The following CACNA1B variants were observed in gnomAD, a reference collection of about 807,000 sequenced individuals.
CACNA1B encodes the protein calcium voltage-gated channel subunit alpha1 B.
Under a neutral mutation model 247.2 loss-of-function variants are expected in CACNA1B, and 70 were observed. The observed-to-expected ratio is 0.28, with a 90% CI of 0.23 to 0.35. The LOEUF is 0.35. CACNA1B is among the 10% of genes least tolerant of loss of function. CACNA1B has a pLI of 1.00. For synonymous variants in CACNA1B, 1,231 were observed against 1,294.4 expected (o/e 0.95, Z 1.05); for missense variants, 2,367 against 3,197.4 (o/e 0.74, Z 6.26).
intron 20 of CACNA1B, among the ~76,000 whole-genome samples, chr9:138,029,893 G>A (rs912444560): frequency 6.6e-6 from 1 of 152,168 alleles, no homozygotes; most frequent in Non-Finnish European, 1.5e-5. Flanking sequence ...GGGATTGCAG[G>A]TGTGAGCCAC....
chr9:138,066,255 G>A (rs1474690616), intron 31 of CACNA1B, among the ~76,000 whole-genome samples: 1 of 152,234 alleles, frequency 6.6e-6, no homozygotes, highest in Non-Finnish European at 1.5e-5. Context: ...CTGCAAAGCA[G>A]GTTCTGGCAG....
rs141006183 is a variant in CACNA1B at position 137,953,991 on chromosome 9, A to G, written c.1070+1614A>G. 1.2e-3 allele frequency among the ~76,000 whole-genome samples: 190 copies of G among 152,266 alleles called. No homozygotes were observed. The Middle Eastern group carries it at 0.014, about 11-fold the overall frequency. ...CAGCCTGCTCAGGGCTTCCTTCTGCATCCCTCTAGGGAATGTGCAGAATAG... is the reference window on the plus strand; with the variant it reads ...CAGCCTGCTCAGGGCTTCCTTCTGCGTCCCTCTAGGGAATGTGCAGAATAG... On this transcript the variant is annotated intron_variant, in intron 7 of 46. Transcript: ENST00000371372.
chr9:138,051,512 A>G lies in CACNA1B; in HGVS notation c.3711-580A>G, dbSNP rs182822440. On this transcript the variant is annotated intron_variant, in intron 24 of 46. Transcript: ENST00000371372. The surrounding 1 kb of genome is among the most constrained non-coding windows in gnomAD (Gnocchi z 4.3). Reference sequence around the variant, plus strand: ...CTCCCCTTGTTTGTCTTAGTCCACCATGCCTCTTGCATTGCCTCTGTATTC... The same window carrying G: ...CTCCCCTTGTTTGTCTTAGTCCACCGTGCCTCTTGCATTGCCTCTGTATTC... Among the ~76,000 whole-genome samples, 2 of 108,678 alleles carry G rather than the reference A, an allele frequency of 1.8e-5. No homozygotes were observed. Among genetic ancestry groups the G allele is most frequent in the South Asian group, 6.6e-4 (2 of 3,034 alleles). The allele number at this position is 108,678 out of a possible 152,430, so 71.3% of individuals were successfully genotyped here. A position where few individuals can be genotyped will look rare whatever the true frequency, so the allele number is the denominator to read the frequency against.
At chr9:138,099,444 T>C (rs922081729) in intron 37 of CACNA1B, among the ~76,000 whole-genome samples, 1 of 152,210 alleles carries the variant, frequency 6.6e-6, no homozygotes, top group Non-Finnish European at 1.5e-5. Flanking sequence ...TGTGTGCATA[T>C]GCCCATGTGT....
chr9:138,105,517 T>A (rs1668897525), intron 38 of CACNA1B, among the ~76,000 whole-genome samples, 182 bp from the exon 39 acceptor site: 2 of 151,634 alleles, frequency 1.3e-5, no homozygotes, highest in African/African-American at 4.9e-5. Context: ...GGGCGGGGAG[T>A]CCAGGGGAGA....
chr9:138,069,392 G>A (rs1199546609), intron 31 of CACNA1B, among the ~76,000 whole-genome samples: 13 of 152,168 alleles, frequency 8.5e-5, no homozygotes, highest in Admixed American at 7.9e-4. Context: ...GTGTCTGTGA[G>A]TCATCTTTGG....
Position 138,054,083 on chromosome 9 carries a change from G to C in CACNA1B, c.3968+77G>C. On this transcript the variant is annotated intron_variant, in intron 26 of 46. Coordinates refer to ENST00000371372, the MANE Select transcript of CACNA1B (RefSeq NM_000718.4). The surrounding 1 kb of genome is among the most constrained non-coding windows in gnomAD (Gnocchi z 4.6). ...ACACTGGGAGTTCCCTTGGGACCAGGTGGAGCTGGTCACACGGCGTGGGAG... is the reference window on the plus strand; with the variant it reads ...ACACTGGGAGTTCCCTTGGGACCAGCTGGAGCTGGTCACACGGCGTGGGAG... 3.6e-6 allele frequency: 5 copies of C among 1,383,176 alleles called. No homozygotes were observed. Among genetic ancestry groups the C allele is most frequent in the Non-Finnish European group, 5.1e-6 (5 of 976,190 alleles). 85.7% of individuals were successfully genotyped at this position (1,383,176 alleles called of 1,614,324 possible). A position where few individuals can be genotyped will look rare whatever the true frequency, so the allele number is the denominator to read the frequency against.
chr9:138,006,479 A>G lies in CACNA1B; in HGVS notation c.1975-288A>G, dbSNP rs774718095. ...ACTGCTGCCCTCCTCGCCTCTGCCC[A>G]CCTCCTTCTCCTGTTGGGAGCTCCC... On this transcript the variant is annotated intron_variant, in intron 15 of 46. Coordinates refer to ENST00000371372, the MANE Select transcript of CACNA1B (RefSeq NM_000718.4). Among the ~76,000 whole-genome samples the G allele has an allele frequency of 5.6e-4, 85 of 152,016 alleles. 2 individuals carry two copies. Among genetic ancestry groups the G allele is most frequent in the Non-Finnish European group, 2.4e-4 (16 of 67,952 alleles).
intron 42 of CACNA1B, among the ~76,000 whole-genome samples, chr9:138,116,199 A>G (rs755066560): frequency 6.6e-5 from 10 of 152,128 alleles, no homozygotes; most frequent in Non-Finnish European, 1.0e-4. Context: ...ATGGCCTTCT[A>G]CTGCTCTGAT....
In CACNA1B at chr9:137,917,227, T is replaced by C; in HGVS notation, c.776-14T>C. On this transcript the variant is annotated splice_polypyrimidine_tract_variant and intron_variant, in intron 5 of 46. Transcript: ENST00000371372. The surrounding 1 kb of genome is among the most constrained non-coding windows in gnomAD (Gnocchi z 5.5). ...TTTCTGAGCTCAGGGTCTGCTTCAT[T>C]CTCCTTCTTGCAGATGCGGAGCCCG... 6.2e-7 allele frequency: 1 copy of C among 1,606,860 alleles called. No individual in the cohort carries two copies. The highest frequency in any genetic ancestry group is 8.5e-7 in the Non-Finnish European group (1 of 1,176,234).
Position 137,881,345 on chromosome 9 carries a change from CAGG to C in CACNA1B, c.391-1393_391-1391del, listed in dbSNP as rs968726612. On this transcript the variant is annotated intron_variant, in intron 2 of 46. Coordinates refer to ENST00000371372, the MANE Select transcript of CACNA1B (RefSeq NM_000718.4). This position sits in a 1 kb window ranked among gnomAD's most constrained non-coding sequence, Gnocchi z 4.3. ...GCCTTGGGCCAGCTCCACCACAGGA[CAGG>C]AGGAGCCCAGGCTGAGTAAGGTGGG... 2.0e-5 allele frequency among the ~76,000 whole-genome samples: 3 copies of C among 152,190 alleles called. No homozygotes were observed. The highest frequency in any genetic ancestry group is 4.8e-5 in the African/African-American group (2 of 41,440).
Position 138,096,549 on chromosome 9 carries a change from C to T in CACNA1B, c.5160C>T (p.Ile1720=), listed in dbSNP as rs1480181715. The change falls in exon 37 of 47, where the codon ATC becomes ATT. Residue 1720 remains isoleucine, a synonymous_variant. Coordinates refer to ENST00000371372, the MANE Select transcript of CACNA1B (RefSeq NM_000718.4). ...NFEYLTRDSS[I]LGPHHLDEFI... is the part of the protein sequence containing the mutation. ...AGTACCTCACGCGGGACTCTTCCATCCTAGGTCCTCACCACTTGGATGAGT... is the reference window on the plus strand; with the variant it reads ...AGTACCTCACGCGGGACTCTTCCATTCTAGGTCCTCACCACTTGGATGAGT... 1 of 1,613,128 alleles carries T rather than the reference C, an allele frequency of 6.2e-7. No homozygotes were observed. Among genetic ancestry groups the T allele is most frequent in the Non-Finnish European group, 8.5e-7 (1 of 1,179,378 alleles).
In CACNA1B at chr9:137,923,341, T is replaced by C. The variant is rs940267439; in HGVS notation, c.966+5910T>C. On this transcript the variant is annotated intron_variant, in intron 6 of 46. Coordinates refer to ENST00000371372, the MANE Select transcript of CACNA1B (RefSeq NM_000718.4). ...CGTGGCTCCAGGTGGTATTCCGTGG[T>C]GCCAGGTAGTATTCCGTGGCTCCAG... Among the ~76,000 whole-genome samples the C allele has an allele frequency of 5.9e-3, 881 of 149,010 alleles. 38 individuals are homozygous for C. Among genetic ancestry groups the C allele is most frequent in the African/African-American group, 0.021 (835 of 39,682 alleles).
At chr9:138,095,304 G>A (rs1961019607) in intron 36 of CACNA1B, among the ~76,000 whole-genome samples, 1 of 152,152 alleles carries the variant, frequency 6.6e-6, no homozygotes, top group South Asian at 2.1e-4. Context: ...GGGGATAAGA[G>A]TAGGCATTTC....
At chr9:138,024,599 G>C (rs1229194118) in intron 19 of CACNA1B, among the ~76,000 whole-genome samples, 1 of 152,136 alleles carries the variant, frequency 6.6e-6, no homozygotes. Flanking sequence ...GAGGCTTAAG[G>C]GTTTTGGTTG....
intron 35 of CACNA1B, among the ~76,000 whole-genome samples, chr9:138,077,235 A>C (rs1361829993): frequency 6.6e-6 from 1 of 152,170 alleles, no homozygotes. Flanking sequence ...GCACACAGAC[A>C]CACGGAGGTG....
Position 138,122,081 on chromosome 9 carries a change from G to A in CACNA1B, c.*82G>A, listed in dbSNP as rs534255747. Reference sequence around the variant, plus strand: ...GTTTTATCATCCACACGGGGCAGCCGGCCCTCGGGGGAGGCCTTGCCCACC... The same window carrying A: ...GTTTTATCATCCACACGGGGCAGCCAGCCCTCGGGGGAGGCCTTGCCCACC... On this transcript the variant is annotated 3_prime_UTR_variant, in exon 47 of 47. Transcript: ENST00000371372. The A allele has an allele frequency of 5.4e-5, 69 of 1,286,574 alleles. 1 individual carries two copies. Among genetic ancestry groups the A allele is most frequent in the South Asian group, 4.1e-4 (28 of 67,922 alleles). 79.7% of individuals were successfully genotyped at this position (1,286,574 alleles called of 1,614,324 possible).
rs1380564050 is a variant in CACNA1B at position 137,877,821 on chromosome 9, G to C, written c.-113G>C. 3.9e-6 allele frequency: 2 copies of C among 515,448 alleles called. No homozygotes were observed. The highest frequency in any genetic ancestry group is 4.2e-5 in the African/African-American group (2 of 47,808). The allele number at this position is 515,448 out of a possible 1,614,324, so 31.9% of individuals were successfully genotyped here. On this transcript the variant is annotated 5_prime_UTR_variant, in exon 1 of 47. Coordinates refer to ENST00000371372, the MANE Select transcript of CACNA1B (RefSeq NM_000718.4). ...CGGCTGCGGCGGTGGGGCCGGGCGA[G>C]GTCCGCTGCGGTCCCGGCGGCTCCG...
rs2133217829 is a variant in CACNA1B, at chr9:137,880,877, C to T, written c.390+1718C>T. Among the ~76,000 whole-genome samples the T allele has an allele frequency of 6.6e-6, 1 of 152,314 alleles. No individual in the cohort carries two copies. Among genetic ancestry groups the T allele is most frequent in the African/African-American group, 2.4e-5 (1 of 41,576 alleles). Reference sequence around the variant, plus strand: ...CCCTGGGCGAGGCCTCCCTGGTTCCCTGCCTCTCGGGGCTGTTTCCCACCT... The same window carrying T: ...CCCTGGGCGAGGCCTCCCTGGTTCCTTGCCTCTCGGGGCTGTTTCCCACCT... On this transcript the variant is annotated intron_variant, in intron 2 of 46. Coordinates refer to ENST00000371372, the MANE Select transcript of CACNA1B (RefSeq NM_000718.4). The surrounding 1 kb of genome is among the most constrained non-coding windows in gnomAD (Gnocchi z 4.8).
Sources: allele counts gnomAD v4.1 joint callset (sites outside exome capture counted in the v4.1 genomes callset), GRCh38; gene constraint gnomAD v4.1.1; non-coding constraint Gnocchi (gnomAD v3.1); transcripts MANE v1.5; gene names NCBI Gene and HGNC (gene_info 2026-07-23, HGNC 2026-07-21).